ARHGEF38: variants seen among roughly 807,000 people sequenced by gnomAD.
ARHGEF38 encodes Rho guanine nucleotide exchange factor 38, also known as Rho guanine nucleotide exchange factor (GEF) 38.
A neutral mutation model predicts 79.9 loss-of-function variants in ARHGEF38; 79 were observed. The ratio of observed to expected loss-of-function variants is 0.99; its 90% confidence interval spans 0.82 to 1.19. ARHGEF38 has a LOEUF of 1.19. Among genes scored for constraint, ARHGEF38 ranks in the 50% most tolerant of loss-of-function variants. The pLI is 0.00. For synonymous variants in ARHGEF38, 366 were observed against 328.3 expected (o/e 1.11, Z -1.24); for missense variants, 962 against 907.2 (o/e 1.06, Z -0.78).
intron 10 of ARHGEF38, among the ~76,000 whole-genome samples, chr4:105,664,466 G>T (rs189779573): frequency 6.6e-5 from 10 of 152,170 alleles, no homozygotes; most frequent in Admixed American, 5.9e-4. Flanking sequence ...CGAAAAATGA[G>T]GATTTAGCTC....
chr4:105,587,366 T>C (rs550408111), intron 1 of ARHGEF38, among the ~76,000 whole-genome samples: 3 of 152,252 alleles, frequency 2.0e-5, no homozygotes, highest in South Asian at 4.2e-4. Flanking sequence ...ATAATATAGA[T>C]CAGGATTGGA....
intron 3 of ARHGEF38, among the ~76,000 whole-genome samples, chr4:105,621,969 T>C (rs1439220104): frequency 2.0e-5 from 3 of 152,096 alleles, no homozygotes; most frequent in African/African-American, 7.2e-5. Context: ...AATGGTATTT[T>C]CAGGATCAAG....
At chr4:105,622,068 G>T (rs1006573587) in intron 3 of ARHGEF38, among the ~76,000 whole-genome samples, 1 of 152,118 alleles carries the variant, frequency 6.6e-6, no homozygotes, top group African/African-American at 2.4e-5. Context: ...TCTCCTGAGC[G>T]GGGTGAATAT....
intron 1 of ARHGEF38, among the ~76,000 whole-genome samples, chr4:105,563,115 AAAT>A (rs1482886446): frequency 6.6e-6 from 1 of 152,160 alleles, no homozygotes. Flanking sequence ...CCGGCAGCTG[AAAT>A]AATAATTTAT....
intron 2 of ARHGEF38, among the ~76,000 whole-genome samples, chr4:105,590,334 G>A (rs1727279792): frequency 6.6e-6 from 1 of 152,038 alleles, no homozygotes; most frequent in African/African-American, 2.4e-5. Context: ...CATTAGGGTT[G>A]TAAATACACA....
At chr4:105,655,774 G>A in intron 9 of ARHGEF38, 52 bp downstream of exon 9, 1 of 1,488,182 alleles carries the variant, frequency 6.7e-7, no homozygotes, top group South Asian at 1.3e-5. Context: ...GAGGTTGAAA[G>A]GAAAGCTGCT....
chr4:105,675,210 G>A (rs1180163051), intron 13 of ARHGEF38, among the ~76,000 whole-genome samples: 2 of 152,184 alleles, frequency 1.3e-5, no homozygotes, highest in Non-Finnish European at 2.9e-5. Flanking sequence ...AAAGCATTAT[G>A]AGAAATGGAC....
intron 5 of ARHGEF38, among the ~76,000 whole-genome samples, chr4:105,639,373 A>C (rs1729529242): frequency 6.6e-6 from 1 of 151,868 alleles, no homozygotes; most frequent in South Asian, 2.1e-4. Flanking sequence ...TAATCTATAA[A>C]ATTTTACGGA....
At chr4:105,580,084 AT>A (rs1328942479) in intron 1 of ARHGEF38, among the ~76,000 whole-genome samples, 4 of 140,100 alleles carry the variant, frequency 2.9e-5, no homozygotes, top group African/African-American at 5.4e-5. Context: ...CTCTTTTGCC[AT>A]TGCCAATTGT....
rs1479562386 is a variant in ARHGEF38, at chr4:105,655,617, G to A, written c.1128G>A (p.Leu376=). ...TTGGGTTTCAGGATGCCATGCCCCT[G>A]GCTCTGCAGAGTGTGATGGACCTTC... ...CLQHIQDAMP[L]ALQSVMDLQE... is the part of the protein sequence containing the mutation. The change falls in exon 9 of 14, where the codon CTG becomes CTA. Residue 376 remains leucine, a synonymous_variant. Coordinates refer to ENST00000420470, the MANE Select transcript of ARHGEF38 (RefSeq NM_001242729.2). 22 of 1,535,394 alleles carry A rather than the reference G, an allele frequency of 1.4e-5. No individual in the cohort carries two copies. In the East Asian group the frequency reaches 5.1e-4, roughly 36 times the overall value.
At chr4:105,566,775 C>G (rs1361013155) in intron 1 of ARHGEF38, among the ~76,000 whole-genome samples, 2 of 142,566 alleles carry the variant, frequency 1.4e-5, no homozygotes, top group African/African-American at 5.2e-5. Context: ...TTTTAAGAGA[C>G]GGAGTTTTGC....
intron 2 of ARHGEF38, among the ~76,000 whole-genome samples, chr4:105,601,655 G>A (rs937502128): frequency 6.6e-6 from 1 of 152,092 alleles, no homozygotes; most frequent in Non-Finnish European, 1.5e-5. Flanking sequence ...GCTCCTGGGG[G>A]TGTTAATTCC....
chr4:105,625,671 A>T (rs1011073209), intron 3 of ARHGEF38, among the ~76,000 whole-genome samples: 4 of 152,326 alleles, frequency 2.6e-5, no homozygotes, highest in Admixed American at 2.0e-4. Flanking sequence ...GTCATGGGAC[A>T]CTTTCATTTA....
intron 7 of ARHGEF38, among the ~76,000 whole-genome samples, chr4:105,649,986 C>T (rs1265283153): frequency 6.6e-6 from 1 of 152,158 alleles, no homozygotes; most frequent in Non-Finnish European, 1.5e-5. Context: ...TCTCCTAGTA[C>T]TTAACAAATG....
At chr4:105,618,856 A>T (rs1578317759) in intron 3 of ARHGEF38, among the ~76,000 whole-genome samples, 2 of 152,312 alleles carry the variant, frequency 1.3e-5, no homozygotes, top group South Asian at 4.1e-4. Context: ...TTATCTAGAG[A>T]TCTAGAGTTA....
rs1491182740 is a variant in ARHGEF38 at position 105,648,818 on chromosome 4, C to CT, written c.1008+136_1008+137insT. On this transcript the variant is annotated intron_variant, in intron 7 of 13. Transcript: ENST00000420470. ...ATTGCCCTATGCTGTTCTCTTGTCTCCCTCTCTCTCTCTCTCTCTCTCTCT... is the reference window on the plus strand; with the variant it reads ...ATTGCCCTATGCTGTTCTCTTGTCTCTCCTCTCTCTCTCTCTCTCTCTCTCT... 410 of 739,164 alleles carry CT rather than the reference C, an allele frequency of 5.5e-4. 1 individual carries two copies. The highest frequency in any genetic ancestry group is 7.6e-4 in the Admixed American group (22 of 28,774). 45.8% of individuals were successfully genotyped at this position (739,164 alleles called of 1,614,324 possible).
At chr4:105,608,032 G>C (rs986016424) in intron 2 of ARHGEF38, among the ~76,000 whole-genome samples, 1 of 152,118 alleles carries the variant, frequency 6.6e-6, no homozygotes, top group Admixed American at 6.6e-5. Flanking sequence ...AGTTCTGGAA[G>C]CTGGGAAGTC....
intron 1 of ARHGEF38, among the ~76,000 whole-genome samples, chr4:105,588,659 G>T (rs1727170894): frequency 6.6e-6 from 1 of 152,086 alleles, no homozygotes; most frequent in South Asian, 2.1e-4. Context: ...GATATGCTTG[G>T]TATAAAAGAT....
At chr4:105,638,192 A>G (rs1729476385) in intron 5 of ARHGEF38, among the ~76,000 whole-genome samples, 1 of 152,192 alleles carries the variant, frequency 6.6e-6, no homozygotes, top group Admixed American at 6.5e-5. Context: ...TCCCTCACTT[A>G]TGGCAATCAA....
Sources: gnomAD v4.1 joint callset for allele counts (sites outside exome capture counted in the v4.1 genomes callset) on GRCh38, gnomAD v4.1.1 for gene constraint, MANE v1.5 for transcripts, NCBI Gene and HGNC (gene_info 2026-07-23, HGNC 2026-07-21) for gene names.